FAM81B: variants seen among roughly 807,000 people sequenced by gnomAD.
The protein encoded by FAM81B is family with sequence similarity 81 member B.
Under a neutral mutation model 58.7 loss-of-function variants are expected in FAM81B, and 60 were observed. The observed-to-expected ratio is 1.02, with a 90% CI of 0.83 to 1.27. The LOEUF (loss-of-function observed/expected upper bound fraction) is 1.27, where lower values mean the gene tolerates loss of function less well. Among genes scored for constraint, FAM81B ranks in the 50% most tolerant of loss-of-function variants. FAM81B has a pLI of 0.00. For missense variants in FAM81B, 491 were observed against 522.0 expected (o/e 0.94, Z 0.58); for synonymous variants, 189 against 179.6 (o/e 1.05, Z -0.42).
At chr5:95,409,766 C>T (rs545406397) in intron 3 of FAM81B, among the ~76,000 whole-genome samples, 1 of 152,290 alleles carries the variant, frequency 6.6e-6, no homozygotes, top group East Asian at 1.9e-4. Context: ...TGTGGCCAAA[C>T]TTTAGCCAGC....
intron 3 of FAM81B, among the ~76,000 whole-genome samples, chr5:95,409,087 T>G (rs1480518864): frequency 6.6e-6 from 1 of 152,268 alleles, no homozygotes; most frequent in Non-Finnish European, 1.5e-5. Context: ...TGATTACATG[T>G]TACAATGACA....
chr5:95,427,515 G>A (rs186185178), intron 5 of FAM81B, among the ~76,000 whole-genome samples: 2 of 152,194 alleles, frequency 1.3e-5, no homozygotes, highest in East Asian at 3.9e-4. Flanking sequence ...AGGCAAAATT[G>A]CCATCTTAAC....
chr5:95,398,908 A>C (rs932688829), intron 3 of FAM81B, among the ~76,000 whole-genome samples: 2 of 152,198 alleles, frequency 1.3e-5, no homozygotes, highest in Non-Finnish European at 2.9e-5. Flanking sequence ...AAAGGAGGGA[A>C]ATACAAATTG....
At position 95,396,182 on chromosome 5, in the gene FAM81B, G is replaced by A; in HGVS notation, c.293+7G>A. On this transcript the variant is annotated splice_region_variant and intron_variant, in intron 3 of 9. Transcript: ENST00000283357. The stretch of plus-strand genomic sequence containing the variant: ...TAGTTGAATATGTTGACAAGTAAGT[G>A]TGTAAATTACAACTAGTTTTAACTA... 1.9e-6 allele frequency: 3 copies of A among 1,585,912 alleles called. No homozygotes were observed. The highest frequency in any genetic ancestry group is 3.4e-4 in the Middle Eastern group (2 of 5,970).
At chr5:95,410,071 G>A (rs1582795087) in intron 3 of FAM81B, among the ~76,000 whole-genome samples, 1 of 152,302 alleles carries the variant, frequency 6.6e-6, no homozygotes, top group East Asian at 1.9e-4. Context: ...ATGAAATATA[G>A]ACAAAAGTGT....
chr5:95,407,494 A>G (rs12522074), intron 3 of FAM81B, among the ~76,000 whole-genome samples: 18,278 of 152,180 alleles, frequency 0.12, 1,470 homozygotes, highest in East Asian at 0.36. Flanking sequence ...TAAGTCTTCA[A>G]CCACCATTTA....
At chr5:95,439,200 C>G in intron 7 of FAM81B, among the ~76,000 whole-genome samples, 1 of 137,776 alleles carries the variant, frequency 7.3e-6, no homozygotes, top group South Asian at 2.3e-4. Context: ...AATACTGGCA[C>G]TTTTATTTCT....
At chr5:95,444,027 G>T (rs1349402555) in intron 7 of FAM81B, among the ~76,000 whole-genome samples, 1 of 152,118 alleles carries the variant, frequency 6.6e-6, no homozygotes, top group African/African-American at 2.4e-5. Flanking sequence ...TTGATTATCT[G>T]GGGATTTACT....
intron 6 of FAM81B, among the ~76,000 whole-genome samples, chr5:95,432,466 A>C (rs1729162413): frequency 6.6e-6 from 1 of 152,016 alleles, no homozygotes; most frequent in Non-Finnish European, 1.5e-5. Context: ...TTCTTTAAGG[A>C]TTTGGTAGCT....
Position 95,391,393 on chromosome 5 carries a change from C to A in FAM81B, c.4C>A (p.Gln2Lys), listed in dbSNP as rs1280202301. ...AAACAGGAAGACCTTAGTTAGGATGCAATTACAATTCCTTGGTACATTGGC... is the reference window on the plus strand; with the variant it reads ...AAACAGGAAGACCTTAGTTAGGATGAAATTACAATTCCTTGGTACATTGGC... M[Q>K]LQFLGTLASS... Residue 2 changes from glutamine to lysine, a missense_variant, in exon 1 of 10, where the codon CAA (glutamine) becomes AAA (lysine). Gln to Lys is a moderately conservative substitution (Grantham distance 53). Coordinates refer to ENST00000283357, the MANE Select transcript of FAM81B (RefSeq NM_152548.3). 2.5e-6 allele frequency: 4 copies of A among 1,612,254 alleles called. No homozygotes were observed. Among genetic ancestry groups the A allele is most frequent in the Non-Finnish European group, 3.4e-6 (4 of 1,179,124 alleles).
At chr5:95,447,254 G>A (rs1009122550) in intron 8 of FAM81B, among the ~76,000 whole-genome samples, 5 of 152,160 alleles carry the variant, frequency 3.3e-5, no homozygotes, top group Non-Finnish European at 5.9e-5. Context: ...GCAGCACAGC[G>A]CCATCACTGT....
intron 1 of FAM81B, among the ~76,000 whole-genome samples, chr5:95,392,226 C>T (rs1369922649): frequency 2.0e-5 from 3 of 152,106 alleles, no homozygotes; most frequent in African/African-American, 7.2e-5. Flanking sequence ...AGCTGGAAAC[C>T]ATCATTCTCA....
intron 6 of FAM81B, among the ~76,000 whole-genome samples, chr5:95,431,144 G>C (rs1379354194): frequency 6.6e-6 from 1 of 151,880 alleles, no homozygotes; most frequent in Non-Finnish European, 1.5e-5. Context: ...ATAGGTCTTT[G>C]GTTTTTGACA....
At chr5:95,418,488 C>A (rs1334618776) in intron 4 of FAM81B, among the ~76,000 whole-genome samples, 1 of 152,170 alleles carries the variant, frequency 6.6e-6, no homozygotes, top group Non-Finnish European at 1.5e-5. Context: ...TAAATTCATG[C>A]TAGTTTTGCT....
In FAM81B at chr5:95,396,454, C is replaced by T. The variant is rs556585468; in HGVS notation, c.293+279C>T. 3 of 252,822 alleles carry T rather than the reference C, an allele frequency of 1.2e-5. No individual in the cohort carries two copies. In the South Asian group the frequency reaches 4.1e-4, roughly 35 times the overall value. 15.7% of individuals were successfully genotyped at this position (252,822 alleles called of 1,614,324 possible). A position where few individuals can be genotyped will look rare whatever the true frequency, so the allele number is the denominator to read the frequency against. On this transcript the variant is annotated intron_variant, in intron 3 of 9. Transcript: ENST00000283357. ...TAGATTTATGTGAAAAGCAATACAA[C>T]ATATTGCATATTGCAACAATATCAG...
Position 95,407,261 on chromosome 5 carries a change from T to TACAC in FAM81B, c.294-6657_294-6654dup, listed in dbSNP as rs5869678. Among the ~76,000 whole-genome samples, 322 of 143,760 alleles carry TACAC rather than the reference T, an allele frequency of 2.2e-3. 4 individuals are homozygous for TACAC. Among genetic ancestry groups the TACAC allele is most frequent in the Middle Eastern group, 7.1e-3 (2 of 282 alleles). The allele number at this position is 143,760 out of a possible 152,430, so 94.3% of individuals were successfully genotyped here. A position where few individuals can be genotyped will look rare whatever the true frequency, so the allele number is the denominator to read the frequency against. On this transcript the variant is annotated intron_variant, in intron 3 of 9. Transcript: ENST00000283357. Reference sequence around the variant, plus strand: ...GATTCCAAAAATGCCTGTTCTCTTTTACACACACACACACACACACACACA... The same window carrying TACAC: ...GATTCCAAAAATGCCTGTTCTCTTTTACACACACACACACACACACACACACACA...
At chr5:95,424,898 GAGAT>G (rs1386554933) in intron 5 of FAM81B, among the ~76,000 whole-genome samples, 11 of 152,038 alleles carry the variant, frequency 7.2e-5, no homozygotes, top group East Asian at 5.8e-4. Flanking sequence ...ATAACAAAAG[GAGAT>G]AGATAGACTG....
At chr5:95,416,867 C>T (rs1359097004) in intron 4 of FAM81B, among the ~76,000 whole-genome samples, 1 of 152,028 alleles carries the variant, frequency 6.6e-6, no homozygotes, top group Non-Finnish European at 1.5e-5. Flanking sequence ...CATAGTGACA[C>T]CCTGTCTCTA....
At chr5:95,445,291 TAACA>T (rs1561316190) in intron 7 of FAM81B, among the ~76,000 whole-genome samples, 1 of 152,248 alleles carries the variant, frequency 6.6e-6, no homozygotes, top group Non-Finnish European at 1.5e-5. Flanking sequence ...ATATTTTCAA[TAACA>T]AACATTGTTC....
Sources: allele counts gnomAD v4.1 joint callset (sites outside exome capture counted in the v4.1 genomes callset), GRCh38; gene constraint gnomAD v4.1.1; transcripts MANE v1.5; gene names NCBI Gene and HGNC (gene_info 2026-07-23, HGNC 2026-07-21).